Variants in GTF2F2 observed in about 807,000 individuals in gnomAD.
GTF2F2 encodes the protein general transcription factor IIF subunit 2, also known as ATP-dependent helicase GTF2F2.
In GTF2F2, 23 loss-of-function variants were observed where a neutral mutation model predicts 42.2. That is an observed-to-expected ratio of 0.55 (90% confidence interval 0.39 to 0.77). The LOEUF is 0.77. GTF2F2 is among the 30% of genes least tolerant of loss of function. The pLI is 0.00. For missense variants in GTF2F2, 261 were observed against 287.2 expected (o/e 0.91, Z 0.66); for synonymous variants, 105 against 100.8 (o/e 1.04, Z -0.25).
intron 4 of GTF2F2, among the ~76,000 whole-genome samples, chr13:45,159,829 C>T (rs1566118252): frequency 6.6e-6 from 1 of 152,148 alleles, no homozygotes; most frequent in Non-Finnish European, 1.5e-5. Context: ...TAATTTGGTG[C>T]ATTTCCCTTA....
In GTF2F2 at chr13:45,191,224, A is replaced by AAAAAAAATATAT; in HGVS notation, c.305-16199_305-16198insAAAAAATATATA. 1.2e-3 allele frequency among the ~76,000 whole-genome samples: 89 copies of AAAAAAAATATAT among 75,284 alleles called. 1 individual carries two copies. The highest frequency in any genetic ancestry group is 8.1e-3 in the African/African-American group (81 of 9,982). The allele number at this position is 75,284 out of a possible 152,430, so 49.4% of individuals were successfully genotyped here. On this transcript the variant is annotated intron_variant, in intron 4 of 7. Transcript: ENST00000340473. ...GTCTCTACTAAAAATACAAAAAAAA[A>AAAAAAAATATAT]ATATATATATATATATATATATATA...
rs766375703 is a variant in GTF2F2, at chr13:45,181,200, A to AAAAAAAAAAAAAAAAC, written c.305-26221_305-26220insAAAAAAAAAAAACAAA. Among the ~76,000 whole-genome samples the AAAAAAAAAAAAAAAAC allele has an allele frequency of 1.4e-4, 19 of 132,824 alleles. 1 individual carries two copies. Among genetic ancestry groups the AAAAAAAAAAAAAAAAC allele is most frequent in the African/African-American group, 1.4e-4 (5 of 35,126 alleles). 87.1% of individuals were successfully genotyped at this position (132,824 alleles called of 152,430 possible). On this transcript the variant is annotated intron_variant, in intron 4 of 7. Transcript: ENST00000340473. The stretch of plus-strand genomic sequence containing the variant: ...AAAAAACAAACAAACAAAAAAAAAA[A>AAAAAAAAAAAAAAAAC]AAACCAGAAAAACCAAAGGTGATAT...
At chr13:45,188,029 C>T (rs1015630781) in intron 4 of GTF2F2, among the ~76,000 whole-genome samples, 1 of 152,136 alleles carries the variant, frequency 6.6e-6, no homozygotes. Flanking sequence ...CCGCAGCCTC[C>T]CAAGTAGCTC....
Position 45,136,629 on chromosome 13 carries a change from C to T in GTF2F2, c.67-104C>T, listed in dbSNP as rs1869636991. 6.3e-6 allele frequency: 4 copies of T among 639,238 alleles called. No individual in the cohort carries two copies. In the South Asian group the frequency reaches 8.0e-5, roughly 13 times the overall value. The allele number at this position is 639,238 out of a possible 1,614,324, so 39.6% of individuals were successfully genotyped here. On this transcript the variant is annotated intron_variant, in intron 1 of 7. Coordinates refer to ENST00000340473, the MANE Select transcript of GTF2F2 (RefSeq NM_004128.3). The stretch of plus-strand genomic sequence containing the variant: ...CATACAGTAGTAACTTGATAATGAT[C>T]CCTTATTAGAGGCAGAAAATAAAAA...
At chr13:45,182,338 C>T (rs879287322) in intron 4 of GTF2F2, among the ~76,000 whole-genome samples, 1 of 151,952 alleles carries the variant, frequency 6.6e-6, no homozygotes, top group Non-Finnish European at 1.5e-5. Context: ...CTCAGGTGAT[C>T]CACCTGCCTC....
At chr13:45,275,506 A>G (rs550411463) in intron 7 of GTF2F2, among the ~76,000 whole-genome samples, 2 of 129,730 alleles carry the variant, frequency 1.5e-5, no homozygotes, top group Non-Finnish European at 3.1e-5. Context: ...CCTGTGTCCA[A>G]GGGTTCTCAT....
At chr13:45,188,860 A>G (rs1593479767) in intron 4 of GTF2F2, among the ~76,000 whole-genome samples, 2 of 152,128 alleles carry the variant, frequency 1.3e-5, no homozygotes, top group East Asian at 3.9e-4. Context: ...TATATTCACC[A>G]GCAGACAAAT....
chr13:45,191,575 T>G (rs1872660194), intron 4 of GTF2F2, among the ~76,000 whole-genome samples: 2 of 152,048 alleles, frequency 1.3e-5, no homozygotes, highest in South Asian at 4.1e-4. Context: ...AATACTAACA[T>G]TAAAATATAG....
chr13:45,153,742 C>T (rs951230946), intron 4 of GTF2F2, among the ~76,000 whole-genome samples: 1 of 151,930 alleles, frequency 6.6e-6, no homozygotes, highest in Non-Finnish European at 1.5e-5. Context: ...CTTTGGGAGG[C>T]CAAGGTGGGC....
chr13:45,244,780 C>T (rs753974691), intron 5 of GTF2F2, among the ~76,000 whole-genome samples: 10 of 152,208 alleles, frequency 6.6e-5, no homozygotes, highest in Non-Finnish European at 1.5e-4. Context: ...AAGCGATTCT[C>T]CTGCCTCAGC....
chr13:45,195,770 T>C (rs1268890942), intron 4 of GTF2F2, among the ~76,000 whole-genome samples: 2 of 152,218 alleles, frequency 1.3e-5, no homozygotes, highest in African/African-American at 2.4e-5. Flanking sequence ...TTATTTGGCC[T>C]ATCTGCTAAA....
chr13:45,171,712 T>C (rs1471120952), intron 4 of GTF2F2, among the ~76,000 whole-genome samples: 1 of 152,170 alleles, frequency 6.6e-6, no homozygotes, highest in African/African-American at 2.4e-5. Flanking sequence ...AGGTTTAGAT[T>C]TTCATCATCT....
chr13:45,142,431 G>A (rs147271762), intron 2 of GTF2F2, among the ~76,000 whole-genome samples: 2,604 of 152,300 alleles, frequency 0.017, 73 homozygotes, highest in African/African-American at 0.06. Flanking sequence ...GCCTCCCAAA[G>A]TGCTAGGATT....
In GTF2F2 at chr13:45,207,404, CTTTT is replaced by C; in HGVS notation, c.305-13_305-10del. On this transcript the variant is annotated splice_polypyrimidine_tract_variant and intron_variant, in intron 4 of 7. Transcript: ENST00000340473. The stretch of plus-strand genomic sequence containing the variant: ...AAATGATAAGTATTATCTCTGAATC[CTTTT>C]TTTTTTCCATTCAAGATAAGCTGTC... 7.8e-7 allele frequency: 1 copy of C among 1,284,366 alleles called. No homozygotes were observed. Among genetic ancestry groups the C allele is most frequent in the Non-Finnish European group, 1.1e-6 (1 of 921,588 alleles). 79.6% of individuals were successfully genotyped at this position (1,284,366 alleles called of 1,614,324 possible). A position where few individuals can be genotyped will look rare whatever the true frequency, so the allele number is the denominator to read the frequency against.
chr13:45,147,847 T>A (rs959988958), intron 2 of GTF2F2, among the ~76,000 whole-genome samples: 1 of 152,226 alleles, frequency 6.6e-6, no homozygotes, highest in Non-Finnish European at 1.5e-5. Context: ...AAATCCCCCA[T>A]GTTTTCGACT....
intron 4 of GTF2F2, among the ~76,000 whole-genome samples, chr13:45,153,494 G>A (rs1324478457): frequency 6.6e-6 from 1 of 152,150 alleles, no homozygotes; most frequent in Admixed American, 6.5e-5. Context: ...ATAATTAGTA[G>A]TGTAGTAGTA....
At chr13:45,135,840 C>T (rs1869593002) in intron 1 of GTF2F2, among the ~76,000 whole-genome samples, 2 of 152,184 alleles carry the variant, frequency 1.3e-5, no homozygotes, top group Non-Finnish European at 2.9e-5. Context: ...ATGCTTTATA[C>T]TTGGTGTATC....
intron 5 of GTF2F2, among the ~76,000 whole-genome samples, chr13:45,236,993 A>G (rs1015198163): frequency 1.4e-4 from 21 of 152,150 alleles, no homozygotes; most frequent in African/African-American, 5.1e-4. Flanking sequence ...CAATGAAATG[A>G]TTTTTTTCTA....
intron 5 of GTF2F2, among the ~76,000 whole-genome samples, chr13:45,208,399 A>G (rs1353815878): frequency 6.6e-6 from 1 of 152,162 alleles, no homozygotes; most frequent in Non-Finnish European, 1.5e-5. Flanking sequence ...CCTGTTTCAT[A>G]GTTTATTTTT....
Sources: gnomAD v4.1 joint callset for allele counts (sites outside exome capture counted in the v4.1 genomes callset) on GRCh38, gnomAD v4.1.1 for gene constraint, MANE v1.5 for transcripts, NCBI Gene and HGNC (gene_info 2026-07-23, HGNC 2026-07-21) for gene names.